ASXL2: variants seen among roughly 807,000 people sequenced by gnomAD.
The protein encoded by ASXL2 is ASXL transcriptional regulator 2.
ASXL2 carries 23 observed loss-of-function variants against 122.0 expected under a neutral mutation model. That is an observed-to-expected ratio of 0.19 (90% CI 0.14 to 0.27). The LOEUF (loss-of-function observed/expected upper bound fraction) is 0.27, where lower values mean the gene tolerates loss of function less well. Among genes scored for constraint, ASXL2 ranks in the 10% least tolerant of loss-of-function variants. The pLI is 1.00. For missense variants in ASXL2, 1,518 were observed against 1,713.8 expected (o/e 0.89, Z 2.02); for synonymous variants, 650 against 637.0 (o/e 1.02, Z -0.31).
intron 2 of ASXL2, among the ~76,000 whole-genome samples, chr2:25,841,990 T>C (rs867270894): frequency 6.8e-6 from 1 of 147,976 alleles, no homozygotes; most frequent in Non-Finnish European, 1.5e-5. Flanking sequence ...CACGTGCCTA[T>C]AGACCCAGCT....
intron 3 of ASXL2, chr2:25,822,652 T>C: frequency 1.6e-6 from 1 of 635,688 alleles, no homozygotes; most frequent in Non-Finnish European, 2.9e-6. Flanking sequence ...TTGATCCTAA[T>C]GATTCCAAGC....
At chr2:25,775,071 C>T (rs1275594839) in intron 5 of ASXL2, among the ~76,000 whole-genome samples, 1 of 152,186 alleles carries the variant, frequency 6.6e-6, no homozygotes, top group East Asian at 1.9e-4. Context: ...AGATAGATGT[C>T]CTTTTTTAGT....
intron 3 of ASXL2, among the ~76,000 whole-genome samples, chr2:25,816,626 GA>G (rs1277698630): frequency 6.6e-6 from 1 of 151,824 alleles, no homozygotes; most frequent in Non-Finnish European, 1.5e-5. Flanking sequence ...ACATGAGGAA[GA>G]AAAAAAGTAT....
intron 2 of ASXL2, among the ~76,000 whole-genome samples, chr2:25,844,198 A>C (rs1329054536): frequency 6.6e-6 from 1 of 152,198 alleles, no homozygotes; most frequent in East Asian, 1.9e-4. Context: ...ATGAAAATCT[A>C]ACATAGACTC....
At chr2:25,804,177 A>C (rs1315925828) in intron 4 of ASXL2, among the ~76,000 whole-genome samples, 1 of 152,188 alleles carries the variant, frequency 6.6e-6, no homozygotes, top group African/African-American at 2.4e-5. Flanking sequence ...AGATCTTTCT[A>C]ATGTTAGGCT....
intron 3 of ASXL2, chr2:25,810,624 C>T: frequency 1.3e-6 from 1 of 783,692 alleles, no homozygotes; most frequent in Middle Eastern, 3.8e-4. Flanking sequence ...GGATATTGTG[C>T]TTCACTGCCT....
chr2:25,786,477 G>C (rs1390274398), intron 5 of ASXL2, among the ~76,000 whole-genome samples: 2 of 151,976 alleles, frequency 1.3e-5, no homozygotes, highest in African/African-American at 4.8e-5. Flanking sequence ...CTGACCTTGT[G>C]ATACGCCTGT....
chr2:25,853,183 C>A (rs994563620), intron 1 of ASXL2, among the ~76,000 whole-genome samples: 1 of 152,120 alleles, frequency 6.6e-6, no homozygotes, highest in Admixed American at 6.6e-5. Flanking sequence ...ATTTGATACT[C>A]AAGAACAAAA....
At chr2:25,843,592 C>CA (rs572301704) in intron 2 of ASXL2, among the ~76,000 whole-genome samples, 97 of 151,550 alleles carry the variant, frequency 6.4e-4, no homozygotes, top group African/African-American at 2.1e-3. Flanking sequence ...GACTATAAAT[C>CA]AAAAAAGAAT....
chr2:25,789,462 G>A (rs1316104844), intron 5 of ASXL2, among the ~76,000 whole-genome samples: 1 of 152,082 alleles, frequency 6.6e-6, no homozygotes, highest in Non-Finnish European at 1.5e-5. Flanking sequence ...GGAGCAATGG[G>A]TGTGACCAGA....
chr2:25,866,763 T>C (rs1340648130), intron 1 of ASXL2, among the ~76,000 whole-genome samples: 1 of 152,206 alleles, frequency 6.6e-6, no homozygotes. Flanking sequence ...GATAGAGTCT[T>C]GCTCTGTTGC....
intron 5 of ASXL2, among the ~76,000 whole-genome samples, chr2:25,776,517 C>T (rs2088548784): frequency 6.6e-6 from 1 of 152,106 alleles, no homozygotes; most frequent in Non-Finnish European, 1.5e-5. Context: ...GGGTTCATTC[C>T]TATGAGTGGA....
At chr2:25,755,027 T>G (rs1025677708) in intron 10 of ASXL2, among the ~76,000 whole-genome samples, 10 of 152,212 alleles carry the variant, frequency 6.6e-5, no homozygotes, top group African/African-American at 2.4e-4. Context: ...AAATAAACAA[T>G]GAAGAGCATT....
chr2:25,862,356 C>G (rs1247424970), intron 1 of ASXL2, among the ~76,000 whole-genome samples: 5 of 152,130 alleles, frequency 3.3e-5, no homozygotes, highest in Admixed American at 3.3e-4. Flanking sequence ...ATTACAATGG[C>G]ATGTATCAGG....
In ASXL2 at chr2:25,849,876, T is replaced by C. The variant is rs141120487; in HGVS notation, c.58-4313A>G. Among the ~76,000 whole-genome samples the C allele has an allele frequency of 1.6e-4, 24 of 152,228 alleles. No homozygotes were observed. The East Asian group carries it at 4.0e-3, about 26-fold the overall frequency. ...TAATTTAGAAAAGTATTATACTAAA[T>C]TTTTTCAGACTACTTAAAGCTATAG... On this transcript the variant is annotated intron_variant, in intron 1 of 12. Transcript: ENST00000435504.
intron 5 of ASXL2, among the ~76,000 whole-genome samples, chr2:25,776,630 G>T (rs1440344415): frequency 1.3e-5 from 2 of 152,146 alleles, no homozygotes; most frequent in African/African-American, 4.8e-5. Flanking sequence ...AATGTACAAG[G>T]CCACTTTCTT....
At chr2:25,872,345 G>A (rs748584628) in intron 1 of ASXL2, among the ~76,000 whole-genome samples, 5 of 152,016 alleles carry the variant, frequency 3.3e-5, no homozygotes, top group East Asian at 1.9e-4. Flanking sequence ...TCGCACCACC[G>A]CACTCCAGTC....
At chr2:25,843,220 T>C (rs1574444195) in intron 2 of ASXL2, among the ~76,000 whole-genome samples, 1 of 148,444 alleles carries the variant, frequency 6.7e-6, no homozygotes, top group Non-Finnish European at 1.5e-5. Flanking sequence ...GAGAATGGGG[T>C]GAACCTGGGA....
In ASXL2 at chr2:25,743,596, G is replaced by A. The variant is rs771358447; in HGVS notation, c.2741C>T (p.Ala914Val). 5.6e-6 allele frequency: 9 copies of A among 1,613,934 alleles called. No individual in the cohort carries two copies. Among genetic ancestry groups the A allele is most frequent in the African/African-American group, 1.3e-5 (1 of 74,938 alleles). The change falls in exon 13 of 13, where the codon GCT (alanine) becomes GTT (valine). Residue 914 changes from alanine to valine, a missense_variant. By Grantham distance (64) the Ala-to-Val change is moderately conservative. Coordinates refer to ENST00000435504, the MANE Select transcript of ASXL2 (RefSeq NM_018263.6). ...TGCTGGCAAAGTGCTCGAGGGTGGA[G>A]CTGATCCAGCAGGTGCTGTAGTTGC... is the stretch of plus-strand genomic sequence containing the variant. ...VSATTAPAGS[A>V]PPSSTLPAAS...
Sources: gnomAD v4.1 joint callset for allele counts (sites outside exome capture counted in the v4.1 genomes callset) on GRCh38, gnomAD v4.1.1 for gene constraint, MANE v1.5 for transcripts, NCBI Gene and HGNC (gene_info 2026-07-23, HGNC 2026-07-21) for gene names.